Variants in NRG4 observed in about 807,000 individuals in gnomAD.
NRG4 encodes the protein pro-neuregulin-4, membrane-bound isoform.
NRG4 carries 10 observed loss-of-function variants against 15.0 expected under a neutral mutation model. The observed-to-expected ratio is 0.67, with a 90% CI of 0.41 to 1.13. The LOEUF is 1.13. Ranked by LOEUF, NRG4 falls within the 50% of genes most tolerant of loss-of-function variation. The pLI is 0.00. For missense variants in NRG4, 139 were observed against 140.2 expected (o/e 0.99, Z 0.04); for synonymous variants, 41 against 50.1 (o/e 0.82, Z 0.77).
chr15:76,013,124 C>T (rs1425641005), upstream of NRG4, among the ~76,000 whole-genome samples: 1 of 152,268 alleles, frequency 6.6e-6, no homozygotes, highest in Non-Finnish European at 1.5e-5. Context: ...ACAATTCAGA[C>T]ATTATTACTT....
chr15:76,033,796 C>G (rs1015285471), intron 5 of NRG4, among the ~76,000 whole-genome samples: 1 of 152,312 alleles, frequency 6.6e-6, no homozygotes, highest in Middle Eastern at 3.4e-3. Flanking sequence ...TTACCCCAGC[C>G]CTGTCTGACC....
chr15:76,050,439 T>G (rs993608955), intron 4 of NRG4, among the ~76,000 whole-genome samples: 5 of 125,926 alleles, frequency 4.0e-5, no homozygotes, highest in African/African-American at 1.5e-4. Flanking sequence ...GAGCCTTCGT[T>G]TTTTTTTTTT....
In NRG4 at chr15:76,052,455, A is replaced by T. The variant is rs74024075; in HGVS notation, c.-215-278T>A. Among the ~76,000 whole-genome samples the T allele has an allele frequency of 5.6e-3, 846 of 151,258 alleles. 58 individuals carry two copies. Among genetic ancestry groups the T allele is most frequent in the African/African-American group, 0.02 (808 of 40,720 alleles). On this transcript the variant is annotated intron_variant, in intron 3 of 8. Transcript: ENST00000563910. ...AAGAGGGAAATAGAATTTTATTAAA[A>T]GATCAGATGGTGGTGAGGAGCCACT...
At chr15:75,976,349 A>G (rs2033366762) in intron 3 of NRG4, among the ~76,000 whole-genome samples, 1 of 151,718 alleles carries the variant, frequency 6.6e-6, no homozygotes, top group South Asian at 2.1e-4. Context: ...AATTTGTCAA[A>G]CTCATTCTCC....
chr15:75,987,225 T>C (rs2033829476), intron 3 of NRG4, among the ~76,000 whole-genome samples: 2 of 152,278 alleles, frequency 1.3e-5, no homozygotes, highest in South Asian at 2.1e-4. Context: ...CCAGGAATCA[T>C]GGAGGTAACA....
chr15:76,016,193 T>C (rs1346874099), upstream of NRG4, among the ~76,000 whole-genome samples: 1 of 152,202 alleles, frequency 6.6e-6, no homozygotes, highest in Non-Finnish European at 1.5e-5. Context: ...AGTGGTAATA[T>C]CCCCTTTATC....
At chr15:76,023,183 C>CACACACACACACACA (rs67858639) in intron 5 of NRG4, among the ~76,000 whole-genome samples, 4 of 112,460 alleles carry the variant, frequency 3.6e-5, no homozygotes, top group Non-Finnish European at 8.1e-5. Flanking sequence ...CACACACACA[C>CACACACACACACACA]AAGCAAGGAC....
chr15:75,958,699 T>TTA (rs138803978), intron 4 of NRG4, among the ~76,000 whole-genome samples: 6,000 of 152,198 alleles, frequency 0.039, 211 homozygotes, highest in African/African-American at 0.094. Flanking sequence ...CTTCTTGTTC[T>TTA]TATATATATA....
intron 5 of NRG4, among the ~76,000 whole-genome samples, chr15:76,030,682 A>C (rs2035451388): frequency 6.6e-6 from 1 of 152,246 alleles, no homozygotes; most frequent in African/African-American, 2.4e-5. Flanking sequence ...GTCTGGGAAA[A>C]GATTTTATGA....
intron 5 of NRG4, among the ~76,000 whole-genome samples, chr15:76,030,415 C>T (rs1482418953): frequency 6.6e-6 from 1 of 152,002 alleles, no homozygotes; most frequent in African/African-American, 2.4e-5. Flanking sequence ...AATACAGAAC[C>T]CAGAATTAAA....
intron 4 of NRG4, among the ~76,000 whole-genome samples, chr15:76,037,382 T>C (rs1314022264): frequency 6.6e-6 from 1 of 152,202 alleles, no homozygotes; most frequent in African/African-American, 2.4e-5. Context: ...AAGAAATCTG[T>C]GTGCTTGGGG....
chr15:75,989,807 G>A (rs2033939117), intron 3 of NRG4, among the ~76,000 whole-genome samples: 1 of 152,032 alleles, frequency 6.6e-6, no homozygotes. Flanking sequence ...TTTGTATCTA[G>A]TAATTTTGCA....
At chr15:76,000,058 A>G (rs1172419653) in intron 3 of NRG4, among the ~76,000 whole-genome samples, 1 of 151,988 alleles carries the variant, frequency 6.6e-6, no homozygotes, top group Non-Finnish European at 1.5e-5. Flanking sequence ...TACTTTTTAT[A>G]TTTTTAGTAG....
chr15:76,013,716 C>T (rs1467684712), upstream of NRG4, among the ~76,000 whole-genome samples: 2 of 152,094 alleles, frequency 1.3e-5, no homozygotes, highest in Admixed American at 6.6e-5. Flanking sequence ...TATATATGTG[C>T]CACATTTTCT....
chr15:76,033,356 GATCAGCCTGGGAAACATA>G (rs1567120961), intron 5 of NRG4, among the ~76,000 whole-genome samples: 1 of 152,176 alleles, frequency 6.6e-6, no homozygotes, highest in East Asian at 1.9e-4. Context: ...AGGAGTTCAA[GATCAGCCTGGGAAACATA>G]ATGAAATCAC....
intron 4 of NRG4, among the ~76,000 whole-genome samples, chr15:76,040,785 T>C (rs1015839417): frequency 6.6e-6 from 1 of 152,074 alleles, no homozygotes; most frequent in African/African-American, 2.4e-5. Context: ...ATCAGCCAGC[T>C]GTGGTCATGC....
intron 3 of NRG4, among the ~76,000 whole-genome samples, chr15:75,972,922 C>T (rs1351594741): frequency 6.6e-6 from 1 of 152,112 alleles, no homozygotes; most frequent in Non-Finnish European, 1.5e-5. Flanking sequence ...TCAATGGTAG[C>T]TTGACAGGGA....
At chr15:75,957,848 T>G (rs886361064) in intron 4 of NRG4, among the ~76,000 whole-genome samples, 1 of 152,122 alleles carries the variant, frequency 6.6e-6, no homozygotes, top group Non-Finnish European at 1.5e-5. Flanking sequence ...AATTCATTAA[T>G]TATTTTATTG....
intron 5 of NRG4, among the ~76,000 whole-genome samples, chr15:75,945,283 GT>G (rs2031426670): frequency 8.1e-6 from 1 of 122,890 alleles, no homozygotes; most frequent in African/African-American, 3.1e-5. Flanking sequence ...TATTTTTTTT[GT>G]GGAATCTCAC....
Sources: gnomAD v4.1 joint callset for allele counts (sites outside exome capture counted in the v4.1 genomes callset) on GRCh38, gnomAD v4.1.1 for gene constraint, MANE v1.5 for transcripts, NCBI Gene and HGNC (gene_info 2026-07-23, HGNC 2026-07-21) for gene names.